DYNC1I1: variants seen among roughly 807,000 people sequenced by gnomAD.
DYNC1I1 encodes the protein dynein cytoplasmic 1 intermediate chain 1.
A neutral mutation model predicts 86.6 loss-of-function variants in DYNC1I1; 43 were observed. The observed-to-expected ratio is 0.50, with a 90% CI of 0.39 to 0.64. DYNC1I1 has a LOEUF of 0.64. Ranked by LOEUF, DYNC1I1 falls within the 30% of genes least tolerant of loss-of-function variation. The pLI is 0.00. For missense variants in DYNC1I1, 604 were observed against 788.8 expected, an observed-to-expected ratio of 0.77 and a Z score of 2.81; for synonymous variants, 262 against 283.7, an observed-to-expected ratio of 0.92 and a Z score of 0.77.
chr7:95,828,908 T>C (rs756096637), intron 5 of DYNC1I1, among the ~76,000 whole-genome samples: 20 of 152,158 alleles, frequency 1.3e-4, no homozygotes, highest in African/African-American at 3.6e-4. Context: ...ATTGCGCATT[T>C]CTCTTCTCAA....
chr7:95,775,252 C>T (rs1235202171), intron 1 of DYNC1I1, among the ~76,000 whole-genome samples: 1 of 152,150 alleles, frequency 6.6e-6, no homozygotes, highest in African/African-American at 2.4e-5. Flanking sequence ...CTCTCTCTTC[C>T]GTACTATGAA....
At chr7:95,796,436 G>A (rs1312324491) in intron 1 of DYNC1I1, among the ~76,000 whole-genome samples, 1 of 152,012 alleles carries the variant, frequency 6.6e-6, no homozygotes, top group Non-Finnish European at 1.5e-5. Context: ...CAGCCTTCCC[G>A]AGTAGCTGGG....
At chr7:95,793,206 A>G (rs1794351532) in intron 1 of DYNC1I1, among the ~76,000 whole-genome samples, 1 of 152,162 alleles carries the variant, frequency 6.6e-6, no homozygotes, top group African/African-American at 2.4e-5. Flanking sequence ...TGCAATGTGA[A>G]AGGACATGGA....
intron 6 of DYNC1I1, among the ~76,000 whole-genome samples, chr7:95,964,680 T>A (rs1792962605): frequency 6.6e-6 from 1 of 152,118 alleles, no homozygotes; most frequent in Non-Finnish European, 1.5e-5. Context: ...GGTCAGATAG[T>A]AGTCAGTACT....
chr7:95,918,491 A>G (rs11766551), intron 6 of DYNC1I1, among the ~76,000 whole-genome samples: 29,599 of 152,120 alleles, frequency 0.19, 3,098 homozygotes, highest in African/African-American at 0.24. Context: ...TTCATGAGGG[A>G]AATTGTGGAA....
chr7:95,954,652 C>T (rs1046789185), intron 6 of DYNC1I1, among the ~76,000 whole-genome samples: 3 of 152,054 alleles, frequency 2.0e-5, no homozygotes, highest in African/African-American at 7.2e-5. Flanking sequence ...TGGTGGCTCA[C>T]GCCTTAATCC....
Position 95,910,522 on chromosome 7 carries a change from A to G in DYNC1I1, c.490+40524A>G, listed in dbSNP as rs556760300. ...CTCTGAGGCATGGATTAAGGTTTAG[A>G]GAGGCTGAAGGGCAGGACAGGGCCT... is the stretch of plus-strand genomic sequence containing the variant. On this transcript the variant is annotated intron_variant, in intron 6 of 16. Transcript: ENST00000447467. 2.5e-4 allele frequency among the ~76,000 whole-genome samples: 38 copies of G among 152,308 alleles called. 2 individuals are homozygous for G. In the South Asian group the frequency reaches 7.5e-3, roughly 30 times the overall value.
chr7:96,066,932 TA>T (rs1361409426), intron 14 of DYNC1I1, among the ~76,000 whole-genome samples: 1 of 152,224 alleles, frequency 6.6e-6, no homozygotes, highest in Non-Finnish European at 1.5e-5. Flanking sequence ...AGGTCCTTAA[TA>T]AATCATTGCT....
rs752919446 is a variant in DYNC1I1 at position 96,039,356 on chromosome 7, A to G, written c.1444A>G (p.Ile482Val). The G allele has an allele frequency of 1.3e-4, 206 of 1,614,014 alleles. No individual in the cohort carries two copies. The South Asian group carries it at 1.4e-3, about 11-fold the overall frequency. ...GINCHMAVGP[I>V]DFSHLFVTSS... ...TAACTGCCACATGGCAGTGGGCCCA[A>G]TCGACTTTTCTCACCTGTTTGTCAC... The change falls in exon 14 of 17, where the codon ATC becomes GTC. Residue 482 changes from isoleucine (I) to valine (V), a missense_variant. Physicochemically the swap from Ile to Val is conservative, Grantham distance 29. Transcript: ENST00000447467.
At chr7:95,789,089 T>C (rs1265838796) in intron 1 of DYNC1I1, among the ~76,000 whole-genome samples, 1 of 152,186 alleles carries the variant, frequency 6.6e-6, no homozygotes, top group African/African-American at 2.4e-5. Context: ...TTTAAAAAAA[T>C]ACACATGAGT....
At chr7:96,066,303 C>T (rs575153373) in intron 14 of DYNC1I1, among the ~76,000 whole-genome samples, 5 of 152,292 alleles carry the variant, frequency 3.3e-5, no homozygotes, top group African/African-American at 4.8e-5. Flanking sequence ...TAGATAATAC[C>T]ATCCTTGACC....
intron 1 of DYNC1I1, chr7:95,804,264 C>T (rs1794651966): frequency 1.4e-6 from 1 of 693,714 alleles, no homozygotes; most frequent in Non-Finnish European, 1.9e-6. Context: ...TTATTGAGTC[C>T]ATAGAAATTT....
chr7:96,072,525 T>C (rs1790200664), intron 14 of DYNC1I1, among the ~76,000 whole-genome samples: 1 of 152,246 alleles, frequency 6.6e-6, no homozygotes, highest in Non-Finnish European at 1.5e-5. Context: ...TTGAGAATTT[T>C]GTAGAGTAAA....
intron 7 of DYNC1I1, among the ~76,000 whole-genome samples, chr7:95,982,378 G>T (rs1793479459): frequency 6.6e-6 from 1 of 152,106 alleles, no homozygotes; most frequent in Non-Finnish European, 1.5e-5. Context: ...AGAGGCTAGT[G>T]CTCCACCTAC....
chr7:96,002,211 C>T (rs1009614139), intron 10 of DYNC1I1, among the ~76,000 whole-genome samples: 2 of 152,164 alleles, frequency 1.3e-5, no homozygotes, highest in Admixed American at 6.5e-5. Context: ...CTGACTGGCT[C>T]CTCTCAATTA....
At chr7:96,066,233 G>A (rs1789982029) in intron 14 of DYNC1I1, among the ~76,000 whole-genome samples, 1 of 152,116 alleles carries the variant, frequency 6.6e-6, no homozygotes, top group East Asian at 1.9e-4. Context: ...CTTCTTGACT[G>A]TTTTCCTTAC....
chr7:95,981,874 G>A (rs778468191), intron 7 of DYNC1I1, among the ~76,000 whole-genome samples: 9 of 152,022 alleles, frequency 5.9e-5, no homozygotes, highest in Non-Finnish European at 1.2e-4. Context: ...TAGATTCCAG[G>A]GATAGGGAAA....
intron 6 of DYNC1I1, among the ~76,000 whole-genome samples, chr7:95,975,114 G>C (rs1442642406): frequency 6.6e-6 from 1 of 152,106 alleles, no homozygotes; most frequent in Non-Finnish European, 1.5e-5. Flanking sequence ...ACTAAGTTCT[G>C]ATAAATAAAT....
chr7:95,849,112 T>A (rs191886875), intron 5 of DYNC1I1, among the ~76,000 whole-genome samples: 10,763 of 152,202 alleles, frequency 0.071, 464 homozygotes, highest in Non-Finnish European at 0.096. Flanking sequence ...TCCTTATATA[T>A]TTTGGATATT....
Sources: allele counts gnomAD v4.1 joint callset (sites outside exome capture counted in the v4.1 genomes callset), GRCh38; gene constraint gnomAD v4.1.1; transcripts MANE v1.5; gene names NCBI Gene and HGNC (gene_info 2026-07-23, HGNC 2026-07-21).